The following MBD5 variants were observed in gnomAD, a reference collection of about 807,000 sequenced individuals.
The protein encoded by MBD5 is methyl-CpG-binding domain protein 5.
Under a neutral mutation model 117.3 loss-of-function variants are expected in MBD5, and 13 were observed. The observed-to-expected ratio is 0.11, with a 90% CI of 0.07 to 0.18. MBD5 has a LOEUF of 0.18. Ranked by LOEUF, MBD5 falls within the 10% of genes least tolerant of loss-of-function variation. MBD5 has a pLI of 1.00. For missense variants in MBD5, 1,879 were observed against 2,093.8 expected, an observed-to-expected ratio of 0.90 and a Z score of 2.00; for synonymous variants, 727 against 766.4, an observed-to-expected ratio of 0.95 and a Z score of 0.85.
intron 1 of MBD5, among the ~76,000 whole-genome samples, chr2:148,119,175 C>G (rs532432563): frequency 3.3e-4 from 50 of 152,230 alleles, no homozygotes; most frequent in African/African-American, 1.2e-3. Context: ...TCCTTACCAA[C>G]ATTTTTATCT....
intron 1 of MBD5, among the ~76,000 whole-genome samples, chr2:148,090,560 A>T (rs1015941254): frequency 6.6e-6 from 1 of 152,188 alleles, no homozygotes; most frequent in Admixed American, 6.5e-5. Context: ...AATAAATGTG[A>T]TACGTCACAT....
chr2:148,191,004 C>G (rs1324982561), intron 2 of MBD5, among the ~76,000 whole-genome samples: 1 of 150,080 alleles, frequency 6.7e-6, no homozygotes, highest in Non-Finnish European at 1.5e-5. Context: ...TCAAAAAAGA[C>G]AAAGAAGGCC....
intron 1 of MBD5, among the ~76,000 whole-genome samples, chr2:148,149,684 T>C (rs200438353): frequency 6.6e-6 from 1 of 152,242 alleles, no homozygotes; most frequent in South Asian, 2.1e-4. Context: ...ATTTCTCTGA[T>C]GGCCAGTGAT....
intron 1 of MBD5, among the ~76,000 whole-genome samples, chr2:148,092,409 G>T (rs1695966762): frequency 6.6e-6 from 1 of 152,080 alleles, no homozygotes; most frequent in African/African-American, 2.4e-5. Context: ...TAAAGAACCA[G>T]CCTAAATGTC....
At chr2:148,267,423 T>G (rs189377475) in intron 3 of MBD5, among the ~76,000 whole-genome samples, 214 of 152,318 alleles carry the variant, frequency 1.4e-3, no homozygotes, top group African/African-American at 4.8e-3. Flanking sequence ...ATTTTACTTT[T>G]CCTTATGAAA....
At chr2:148,146,614 A>C (rs1019441700) in intron 1 of MBD5, among the ~76,000 whole-genome samples, 15 of 151,844 alleles carry the variant, frequency 9.9e-5, no homozygotes, top group African/African-American at 3.4e-4. Context: ...GAGTTTGTTG[A>C]GCTTCTTGGG....
intron 3 of MBD5, chr2:148,265,065 G>GTA: frequency 1.1e-5 from 1 of 91,606 alleles, no homozygotes; most frequent in South Asian, 3.7e-4. Context: ...GTAGACACAC[G>GTA]CACACACACA....
chr2:148,325,502 A>C (rs1046989467), intron 3 of MBD5, among the ~76,000 whole-genome samples: 2 of 152,164 alleles, frequency 1.3e-5, no homozygotes, highest in African/African-American at 4.8e-5. Flanking sequence ...GATTATTGCC[A>C]CAATATCAGC....
At chr2:148,465,342 G>A (rs564498943) in intron 7 of MBD5, among the ~76,000 whole-genome samples, 1 of 152,232 alleles carries the variant, frequency 6.6e-6, no homozygotes, top group South Asian at 2.1e-4. Context: ...TGTGTACTCT[G>A]TGGAATTATA....
chr2:148,325,526 C>G (rs1034631100), intron 3 of MBD5, among the ~76,000 whole-genome samples: 13 of 152,164 alleles, frequency 8.5e-5, no homozygotes, highest in African/African-American at 2.9e-4. Flanking sequence ...TGTTATTGGT[C>G]TATTCAGAGA....
intron 2 of MBD5, among the ~76,000 whole-genome samples, chr2:148,228,383 C>T (rs538067842): frequency 6.6e-6 from 1 of 152,170 alleles, no homozygotes; most frequent in Admixed American, 6.6e-5. Context: ...TGGTTTTTGT[C>T]TTTGGCTCTG....
intron 3 of MBD5, among the ~76,000 whole-genome samples, chr2:148,330,885 C>A (rs952133640): frequency 6.6e-6 from 1 of 152,108 alleles, no homozygotes; most frequent in African/African-American, 2.4e-5. Context: ...TTAAAAATCA[C>A]CACATTCCTA....
intron 3 of MBD5, among the ~76,000 whole-genome samples, chr2:148,307,685 A>G (rs897446348): frequency 9.9e-5 from 15 of 152,150 alleles, no homozygotes; most frequent in Non-Finnish European, 1.8e-4. Flanking sequence ...ATACTTGTGC[A>G]GAACGTACAG....
At chr2:148,320,616 A>G (rs1279532126) in intron 3 of MBD5, among the ~76,000 whole-genome samples, 1 of 152,156 alleles carries the variant, frequency 6.6e-6, no homozygotes, top group Admixed American at 6.6e-5. Flanking sequence ...TTGGCCTCCC[A>G]AAGTGCTGGG....
Position 148,464,973 on chromosome 2 carries a change from T to TA in MBD5, c.397+1066dup, listed in dbSNP as rs993406078. ...TGATAGAGCAAAACTCTGTCTTGAT[T>TA]AAAAAAAAAAAAGAAGTCAGTCTTT... is the stretch of plus-strand genomic sequence containing the variant. On this transcript the variant is annotated intron_variant, in intron 7 of 13. Transcript: ENST00000642680. Among the ~76,000 whole-genome samples the TA allele has an allele frequency of 4.2e-4, 60 of 142,856 alleles. 1 individual carries two copies. The highest frequency in any genetic ancestry group is 3.6e-3 in the Middle Eastern group (1 of 280). 93.7% of individuals were successfully genotyped at this position (142,856 alleles called of 152,430 possible).
chr2:148,468,959 C>T lies in MBD5; in HGVS notation c.1016C>T (p.Pro339Leu), dbSNP rs748307129. The change falls in exon 8 of 14, where the codon CCT (proline) becomes CTT (leucine). Residue 339 changes from proline (P) to leucine (L), a missense_variant. Around this residue, in one of 4 missense-constraint regions of MBD5, gnomAD observed 1,666 missense variants for 1,792.2 expected, o/e 0.93. Coordinates refer to ENST00000642680, the MANE Select transcript of MBD5 (RefSeq NM_001378120.1). ...AAACCACCCCAAGGCCCACCTCCCC[C>T]TCCTCCACCTTCTTGTGCTCTTCAG... ...HHKPPQGPPPPPPPSCALQKK... is the reference protein window; with the variant it reads ...HHKPPQGPPPLPPPSCALQKK... 9.3e-6 allele frequency: 15 copies of T among 1,613,714 alleles called. No individual in the cohort carries two copies. The highest frequency in any genetic ancestry group is 1.2e-5 in the Non-Finnish European group (14 of 1,179,940).
intron 4 of MBD5, among the ~76,000 whole-genome samples, chr2:148,434,403 G>C (rs1314058892): frequency 6.6e-6 from 1 of 151,742 alleles, no homozygotes; most frequent in East Asian, 1.9e-4. Flanking sequence ...GTTATTTCTT[G>C]TCTTTTGCTA....
At chr2:148,263,047 T>C (rs1700769179) in intron 3 of MBD5, among the ~76,000 whole-genome samples, 1 of 152,184 alleles carries the variant, frequency 6.6e-6, no homozygotes, top group Non-Finnish European at 1.5e-5. Context: ...CGTTGTTTGA[T>C]TGACTAGGTG....
chr2:148,407,873 A>G (rs1295299064), intron 4 of MBD5, among the ~76,000 whole-genome samples: 1 of 152,160 alleles, frequency 6.6e-6, no homozygotes, highest in Non-Finnish European at 1.5e-5. Flanking sequence ...ATATGTCAAC[A>G]TCCGTTTTCT....
Sources: gnomAD v4.1 joint callset for allele counts (sites outside exome capture counted in the v4.1 genomes callset) on GRCh38, gnomAD v4.1.1 for gene constraint, gnomAD v4.1.1 regional missense constraint, MANE v1.5 for transcripts, NCBI Gene and HGNC (gene_info 2026-07-23, HGNC 2026-07-21) for gene names.